The following ARHGEF1 variants were observed in gnomAD, a reference collection of about 807,000 sequenced individuals.
The protein encoded by ARHGEF1 is 115 kDa guanine nucleotide exchange factor.
Under a neutral mutation model 119.7 loss-of-function variants are expected in ARHGEF1, and 40 were observed. The ratio of observed to expected loss-of-function variants is 0.33; its 90% CI spans 0.26 to 0.44. The LOEUF (loss-of-function observed/expected upper bound fraction) is 0.44, where lower values mean the gene tolerates loss of function less well. Among genes scored for constraint, ARHGEF1 ranks in the 20% least tolerant of loss-of-function variants. The pLI is 1.00. For missense variants in ARHGEF1, 976 were observed against 1,268.3 expected (o/e 0.77, Z 3.50); for synonymous variants, 494 against 521.0 (o/e 0.95, Z 0.71).
chr19:41,888,279 G>C lies in ARHGEF1; in HGVS notation c.111+1G>C. On this transcript the variant is annotated splice_donor_variant, in intron 3 of 28. Coordinates refer to ENST00000354532, the MANE Select transcript of ARHGEF1 (RefSeq NM_004706.4). LOFTEE classifies it high-confidence loss of function. This position sits in a 1 kb window ranked among gnomAD's most constrained non-coding sequence, Gnocchi z 5.1. ...GGATTTTGAGAACGAGCTGGAGACA[G>C]TGAGTGGGAGATAGGGTGGAAAAGC... The C allele has an allele frequency of 6.2e-7, 1 of 1,613,686 alleles. No individual in the cohort carries two copies. Among genetic ancestry groups the C allele is most frequent in the Admixed American group, 1.7e-5 (1 of 60,020 alleles).
chr19:41,888,746 C>T lies in ARHGEF1; in HGVS notation c.112-6C>T. On this transcript the variant is annotated splice_polypyrimidine_tract_variant and splice_region_variant and intron_variant, in intron 3 of 28. Coordinates refer to ENST00000354532, the MANE Select transcript of ARHGEF1 (RefSeq NM_004706.4). This position sits in a 1 kb window ranked among gnomAD's most constrained non-coding sequence, Gnocchi z 5.1. ...CCATTGTACTCACCCCTTCCTGCAC[C>T]CCCAGAACTCAGAAGAGCAAAACAG... 1 of 1,613,976 alleles carries T rather than the reference C, an allele frequency of 6.2e-7. No individual in the cohort carries two copies.
chr19:41,910,704 G>A (rs1364580090), downstream of ARHGEF1, among the ~76,000 whole-genome samples: 4 of 152,122 alleles, frequency 2.6e-5, no homozygotes, highest in East Asian at 7.7e-4. The surrounding 1 kb of genome is among the most constrained non-coding windows in gnomAD (Gnocchi z 4.4). Context: ...CCGTCCAAGA[G>A]CAGTCCAGAA....
downstream of ARHGEF1, chr19:41,910,116 G>A: frequency 6.2e-7 from 1 of 1,603,580 alleles, no homozygotes; most frequent in Non-Finnish European, 8.5e-7. This position sits in a 1 kb window ranked among gnomAD's most constrained non-coding sequence, Gnocchi z 4.4. Context: ...GGGAGGCAGG[G>A]AGTGGCCTGG....
Position 41,888,025 on chromosome 19 carries a change from C to T in ARHGEF1, c.-19-39C>T, listed in dbSNP as rs1555845507. The T allele has an allele frequency of 6.2e-7, 1 of 1,600,410 alleles. No homozygotes were observed. Among genetic ancestry groups the T allele is most frequent in the Non-Finnish European group, 8.5e-7 (1 of 1,174,730 alleles). On this transcript the variant is annotated intron_variant, in intron 1 of 28. Transcript: ENST00000354532. This position sits in a 1 kb window ranked among gnomAD's most constrained non-coding sequence, Gnocchi z 5.1. ...GTGAGTAACCACCCTGGGCCGCCTC[C>T]TCCCACCCTCCTAACCACAGCCCCT... is the stretch of plus-strand genomic sequence containing the variant.
Position 41,903,093 on chromosome 19 carries a change from G to GT in ARHGEF1, c.1739-203dup, listed in dbSNP as rs367629351. Among the ~76,000 whole-genome samples, 3,595 of 145,904 alleles carry GT rather than the reference G, an allele frequency of 0.025. 118 individuals are homozygous for GT. Among genetic ancestry groups the GT allele is most frequent in the African/African-American group, 0.074 (2,992 of 40,276 alleles). On this transcript the variant is annotated intron_variant, in intron 18 of 28. Coordinates refer to ENST00000354532, the MANE Select transcript of ARHGEF1 (RefSeq NM_004706.4). This position sits in a 1 kb window ranked among gnomAD's most constrained non-coding sequence, Gnocchi z 4.2. ...CCACCATGCCCAGCTAATTTTTTTA[G>GT]TTTTTTTTTTTAGAGACGGGGTCTC...
downstream of ARHGEF1, chr19:41,907,855 G>A (rs2074725823): frequency 6.0e-6 from 1 of 167,206 alleles, no homozygotes; most frequent in Non-Finnish European, 9.2e-6. Flanking sequence ...GGCCTATATG[G>A]GGGGGGTGTC....
chr19:41,913,389 C>G (rs1352615324), intron 18 of ARHGEF1, among the ~76,000 whole-genome samples: 2 of 151,914 alleles, frequency 1.3e-5, no homozygotes, highest in African/African-American at 4.8e-5. Context: ...GTCTCTCTCT[C>G]TGGCTGCCCC....
chr19:41,914,611 TC>T (rs1197870591), intron 18 of ARHGEF1, among the ~76,000 whole-genome samples: 15 of 46,470 alleles, frequency 3.2e-4, no homozygotes, highest in African/African-American at 1.0e-3. Flanking sequence ...TGTCTCTCCC[TC>T]CCCTTCCACC....
chr19:41,894,736 G>C, intron 11 of ARHGEF1, 75 bp downstream of exon 11: 1 of 1,446,980 alleles, frequency 6.9e-7, no homozygotes, highest in Non-Finnish European at 8.8e-7. Context: ...GCCTGGGTCT[G>C]AGGGAGGAGG....
intron 13 of ARHGEF1, chr19:41,897,999 G>A (rs532667761): frequency 8.3e-6 from 11 of 1,323,222 alleles, no homozygotes; most frequent in South Asian, 2.2e-5. Context: ...GACCGCCGCC[G>A]GCCTTCCCGG....
intron 1 of ARHGEF1, among the ~76,000 whole-genome samples, chr19:41,927,708 T>C (rs957641231): frequency 6.6e-6 from 1 of 151,980 alleles, no homozygotes; most frequent in Admixed American, 6.5e-5. Flanking sequence ...CACCTTCAGG[T>C]CGGCCACCAA....
chr19:41,896,239 C>G, intron 12 of ARHGEF1, 138 bp from the exon 13 acceptor site: 1 of 453,792 alleles, frequency 2.2e-6, no homozygotes, highest in Non-Finnish European at 3.9e-6. Context: ...TCTGTCCGTC[C>G]CGTGCTGAAG....
rs1431963481 is a variant in ARHGEF1, at chr19:41,917,135, T to C, written c.1866-5957T>C. On this transcript the variant is annotated intron_variant, in intron 18 of 20. Transcript: ENST00000599589. This position sits in a 1 kb window ranked among gnomAD's most constrained non-coding sequence, Gnocchi z 4.8. ...CTTCGGGTGTCGGCGCATCTTTCTG[T>C]CTGTCTCTGTCACTGAGGGTCTCTG... 6.6e-6 allele frequency among the ~76,000 whole-genome samples: 1 copy of C among 152,148 alleles called. No homozygotes were observed. Among genetic ancestry groups the C allele is most frequent in the African/African-American group, 2.4e-5 (1 of 41,420 alleles).
In ARHGEF1 at chr19:41,894,322, C is replaced by T. The variant is rs188938411; in HGVS notation, c.744+16C>T. The T allele has an allele frequency of 3.9e-6, 6 of 1,538,062 alleles. No individual in the cohort carries two copies. In the Admixed American group the frequency reaches 1.2e-4, roughly 30 times the overall value. ...CCGGAAAAAGGTGCTTCCCTCAGTG[C>T]CCCGTCCTGACCCTTTCCTCTCCAG... is the stretch of plus-strand genomic sequence containing the variant. On this transcript the variant is annotated intron_variant, in intron 9 of 28. Transcript: ENST00000354532.
At position 41,904,194 on chromosome 19, in the gene ARHGEF1, G is replaced by T. The variant is rs782566852; in HGVS notation, c.1994-22G>T. The T allele has an allele frequency of 5.6e-6, 9 of 1,613,182 alleles. No individual in the cohort carries two copies. In the East Asian group the frequency reaches 2.0e-4, roughly 36 times the overall value. ...AGGGGGTCGCGCGGGGGCACGCCGTGTGAGCACTGCTCGCCCCGTAGAGGT... is the reference window on the plus strand; with the variant it reads ...AGGGGGTCGCGCGGGGGCACGCCGTTTGAGCACTGCTCGCCCCGTAGAGGT... On this transcript the variant is annotated intron_variant, in intron 21 of 28. Transcript: ENST00000354532. This position sits in a 1 kb window ranked among gnomAD's most constrained non-coding sequence, Gnocchi z 8.4.
At chr19:41,920,564 G>A (rs1370208594), upstream of ARHGEF1, among the ~76,000 whole-genome samples, 8 of 149,364 alleles carry the variant, frequency 5.4e-5, no homozygotes, top group African/African-American at 1.3e-4. Flanking sequence ...CAGATGTTAC[G>A]CACTCACAGA....
intron 1 of ARHGEF1, among the ~76,000 whole-genome samples, chr19:41,924,767 C>T (rs140390495): frequency 2.6e-5 from 4 of 151,990 alleles, no homozygotes; most frequent in East Asian, 1.9e-4. Context: ...GTGTTATGCA[C>T]GTGGAGGAAG....
In ARHGEF1 at chr19:41,906,443, T is replaced by TTGCC; in HGVS notation, c.2492-13_2492-10dup. ...CCTGGTCTCCTGACTCCACCCCTCCTTGCCCCTGGCCAGTGCTGTCCCTGA... is the reference window on the plus strand; with the variant it reads ...CCTGGTCTCCTGACTCCACCCCTCCTTGCCTGCCCCTGGCCAGTGCTGTCCCTGA... On this transcript the variant is annotated splice_polypyrimidine_tract_variant and intron_variant, in intron 26 of 28. Transcript: ENST00000354532. The surrounding 1 kb of genome is among the most constrained non-coding windows in gnomAD (Gnocchi z 4.5). 1 of 1,541,980 alleles carries TTGCC rather than the reference T, an allele frequency of 6.5e-7. No homozygotes were observed. The highest frequency in any genetic ancestry group is 8.7e-7 in the Non-Finnish European group (1 of 1,149,882).
In ARHGEF1 at chr19:41,888,407, ACCT is replaced by A; in HGVS notation, c.111+133_111+135del. 1 of 901,314 alleles carries A rather than the reference ACCT, an allele frequency of 1.1e-6. No individual in the cohort carries two copies. Among genetic ancestry groups the A allele is most frequent in the Non-Finnish European group, 1.7e-6 (1 of 589,306 alleles). The allele number at this position is 901,314 out of a possible 1,614,324, so 55.8% of individuals were successfully genotyped here. On this transcript the variant is annotated intron_variant, in intron 3 of 28. Coordinates refer to ENST00000354532, the MANE Select transcript of ARHGEF1 (RefSeq NM_004706.4). This position sits in a 1 kb window ranked among gnomAD's most constrained non-coding sequence, Gnocchi z 5.1. Reference sequence around the variant, plus strand: ...TGTCTCATCCTCTCATCTCCCTGGTACCTCCTTCCTCACCTCGCCGACCCCACA... The same window carrying A: ...TGTCTCATCCTCTCATCTCCCTGGTACCTTCCTCACCTCGCCGACCCCACA...
Sources: allele counts gnomAD v4.1 joint callset (sites outside exome capture counted in the v4.1 genomes callset), GRCh38; gene constraint gnomAD v4.1.1; non-coding constraint Gnocchi (gnomAD v3.1); transcripts MANE v1.5; gene names NCBI Gene and HGNC (gene_info 2026-07-23, HGNC 2026-07-21).